The following PPP2R2C variants were observed in gnomAD, a reference collection of about 807,000 sequenced individuals.
PPP2R2C encodes the protein protein phosphatase 2 regulatory subunit Bgamma, also known as protein phosphatase 2, regulatory subunit B, gamma.
A neutral mutation model predicts 45.3 loss-of-function variants in PPP2R2C; 10 were observed. The ratio of observed to expected loss-of-function variants is 0.22; its 90% CI spans 0.14 to 0.37. The LOEUF is 0.37. PPP2R2C is among the 10% of genes least tolerant of loss of function. The pLI is 1.00. For missense variants in PPP2R2C, 308 were observed against 619.7 expected, an observed-to-expected ratio of 0.50 and a Z score of 5.34; for synonymous variants, 257 against 245.4, an observed-to-expected ratio of 1.05 and a Z score of -0.44.
Position 6,368,079 on chromosome 4 carries a change from G to A in PPP2R2C, c.625+4444C>T, listed in dbSNP as rs1714487550. On this transcript the variant is annotated intron_variant, in intron 5 of 8. Coordinates refer to ENST00000382599, the MANE Select transcript of PPP2R2C (RefSeq NM_020416.4). This position sits in a 1 kb window ranked among gnomAD's most constrained non-coding sequence, Gnocchi z 4.2. Reference sequence around the variant, plus strand: ...GTTACACGGCAGGGTGTGCGGCCAGGGATGTTCCCAGGATCCACAGGGGCC... The same window carrying A: ...GTTACACGGCAGGGTGTGCGGCCAGAGATGTTCCCAGGATCCACAGGGGCC... Among the ~76,000 whole-genome samples the A allele has an allele frequency of 6.6e-6, 1 of 152,172 alleles. No homozygotes were observed. The highest frequency in any genetic ancestry group is 1.5e-5 in the Non-Finnish European group (1 of 68,028).
intron 1 of PPP2R2C, among the ~76,000 whole-genome samples, chr4:6,546,609 C>T (rs1028709479): frequency 1.3e-5 from 2 of 152,176 alleles, no homozygotes; most frequent in Non-Finnish European, 2.9e-5. Flanking sequence ...CCTTCTCTTT[C>T]CAACCTCAGG....
Position 6,345,734 on chromosome 4 carries a change from G to A in PPP2R2C, c.790+2112C>T, listed in dbSNP as rs144679697. On this transcript the variant is annotated intron_variant, in intron 6 of 8. Coordinates refer to ENST00000382599, the MANE Select transcript of PPP2R2C (RefSeq NM_020416.4). The surrounding 1 kb of genome is among the most constrained non-coding windows in gnomAD (Gnocchi z 5.3). The stretch of plus-strand genomic sequence containing the variant: ...AGCTGGCTGTGGGACTGCGGACTGA[G>A]ACTATACATATGCCCTGTTTTCAGC... Among the ~76,000 whole-genome samples, 24 of 152,248 alleles carry A rather than the reference G, an allele frequency of 1.6e-4. No individual in the cohort carries two copies. The highest frequency in any genetic ancestry group is 5.5e-4 in the African/African-American group (23 of 41,520).
intron 5 of PPP2R2C, among the ~76,000 whole-genome samples, chr4:6,348,396 T>C (rs1193669354): frequency 1.3e-5 from 2 of 151,888 alleles, no homozygotes; most frequent in Non-Finnish European, 2.9e-5. Flanking sequence ...AGAGCATTTA[T>C]ATTGTGCCGA....
At chr4:6,355,692 C>T (rs570233686) in intron 5 of PPP2R2C, among the ~76,000 whole-genome samples, 38 of 151,958 alleles carry the variant, frequency 2.5e-4, no homozygotes, top group Admixed American at 1.1e-3. Context: ...GCGGTACAAA[C>T]GCAAGAGTGC....
intron 5 of PPP2R2C, among the ~76,000 whole-genome samples, chr4:6,356,000 A>G (rs1303101582): frequency 0.039 from 5,623 of 142,500 alleles, 385 homozygotes; most frequent in African/African-American, 0.15. Flanking sequence ...CTGGAAAAAA[A>G]AAAAAAAAAA....
chr4:6,328,465 T>C lies in PPP2R2C; in HGVS notation c.1052+797A>G, dbSNP rs147626829. 1.3e-5 allele frequency among the ~76,000 whole-genome samples: 2 copies of C among 152,270 alleles called. No individual in the cohort carries two copies. The highest frequency in any genetic ancestry group is 2.9e-5 in the Non-Finnish European group (2 of 68,012). On this transcript the variant is annotated intron_variant, in intron 8 of 8. Transcript: ENST00000382599. This position sits in a 1 kb window ranked among gnomAD's most constrained non-coding sequence, Gnocchi z 4.4. ...CTTGTCCATTTCAGAATCTTACGCC[T>C]GGCAGGACCCTGAGCACAAAGCTGA...
At chr4:6,496,911 G>A (rs1271848914) in intron 2 of PPP2R2C, among the ~76,000 whole-genome samples, 2 of 115,942 alleles carry the variant, frequency 1.7e-5, no homozygotes, top group African/African-American at 5.9e-5. Flanking sequence ...AGTCTGTGAT[G>A]GACACAGGGA....
intron 1 of PPP2R2C, 121 bp downstream of exon 1, chr4:6,472,039 G>A (rs1721924864): frequency 2.5e-6 from 3 of 1,218,746 alleles, no homozygotes; most frequent in Non-Finnish European, 3.4e-6. Context: ...ATGGGGTGGG[G>A]TGGGGTGGGG....
At chr4:6,539,029 CT>C (rs1420415764) in intron 1 of PPP2R2C, among the ~76,000 whole-genome samples, 2 of 152,164 alleles carry the variant, frequency 1.3e-5, no homozygotes, top group Admixed American at 6.5e-5. Context: ...GTCTTCACCC[CT>C]AGAACCTCAG....
chr4:6,328,318 ACC>A lies in PPP2R2C; in HGVS notation c.1052+942_1052+943del, dbSNP rs1354685407. On this transcript the variant is annotated intron_variant, in intron 8 of 8. Transcript: ENST00000382599. This position sits in a 1 kb window ranked among gnomAD's most constrained non-coding sequence, Gnocchi z 4.4. ...TCTCCACACTGTGTATCATCTGGAG[ACC>A]CACTTCTGAATCTGGGCGGCTGGAC... Among the ~76,000 whole-genome samples, 1 of 152,022 alleles carries A rather than the reference ACC, an allele frequency of 6.6e-6. No individual in the cohort carries two copies. The highest frequency in any genetic ancestry group is 2.4e-5 in the African/African-American group (1 of 41,366).
At chr4:6,511,593 GGTGATGGGGGTGGTGGTGGTGGTGATGGT>G (rs1723509810) in intron 2 of PPP2R2C, among the ~76,000 whole-genome samples, 1 of 52,466 alleles carries the variant, frequency 1.9e-5, no homozygotes, top group Non-Finnish European at 4.3e-5. Context: ...TGGTGGTGGT[GGTGATGGGGGTGGTGGTGGTGGTGATGGT>G]GGTGGTGGTG....
At chr4:6,398,247 A>G (rs375832369) in intron 1 of PPP2R2C, among the ~76,000 whole-genome samples, 11 of 150,748 alleles carry the variant, frequency 7.3e-5, no homozygotes, top group African/African-American at 2.2e-4. Context: ...CAAAAAATGG[A>G]CAAACTGAAC....
At chr4:6,463,868 T>A (rs898235602) in intron 1 of PPP2R2C, among the ~76,000 whole-genome samples, 1 of 152,300 alleles carries the variant, frequency 6.6e-6, no homozygotes, top group Non-Finnish European at 1.5e-5. Context: ...CTCGATTGCC[T>A]TTCATCGCAA....
chr4:6,494,299 C>T (rs904934765), intron 2 of PPP2R2C, among the ~76,000 whole-genome samples: 8 of 152,214 alleles, frequency 5.3e-5, no homozygotes, highest in South Asian at 2.1e-4. Flanking sequence ...CAACCTGGTC[C>T]GCTGGGTGGG....
intron 1 of PPP2R2C, chr4:6,414,076 ATGTGTGTGTGTGTGTGTGTGTG>A (rs71173440): frequency 1.2e-5 from 11 of 882,404 alleles, no homozygotes; most frequent in African/African-American, 1.0e-4. Flanking sequence ...TTGCCTGTGT[ATGTGTGTGTGTGTGTGTGTGTG>A]TGTGTGTGTG....
chr4:6,393,902 C>T (rs57906533), intron 1 of PPP2R2C, among the ~76,000 whole-genome samples: 18,034 of 152,196 alleles, frequency 0.12, 1,642 homozygotes, highest in African/African-American at 0.26. Context: ...CTGGCTTCAG[C>T]ACGACCAACC....
intron 6 of PPP2R2C, among the ~76,000 whole-genome samples, chr4:6,336,087 G>A (rs1233508135): frequency 6.6e-6 from 1 of 152,134 alleles, no homozygotes; most frequent in Non-Finnish European, 1.5e-5. Context: ...AGGGAGCCTA[G>A]TTTATCCACT....
At chr4:6,446,732 G>A (rs1007625830) in intron 1 of PPP2R2C, among the ~76,000 whole-genome samples, 2 of 152,026 alleles carry the variant, frequency 1.3e-5, no homozygotes, top group African/African-American at 4.8e-5. Context: ...CCCCGCCAAC[G>A]GCCCACTGTC....
chr4:6,510,492 G>A (rs557389139), intron 2 of PPP2R2C, among the ~76,000 whole-genome samples: 25 of 152,094 alleles, frequency 1.6e-4, no homozygotes, highest in Non-Finnish European at 2.4e-4. Flanking sequence ...ATATGTACCC[G>A]AAATTGTTTC....
Sources: gnomAD v4.1 joint callset for allele counts (sites outside exome capture counted in the v4.1 genomes callset) on GRCh38, gnomAD v4.1.1 for gene constraint, Gnocchi (gnomAD v3.1) non-coding constraint, MANE v1.5 for transcripts, NCBI Gene and HGNC (gene_info 2026-07-23, HGNC 2026-07-21) for gene names.